Variants in ARHGAP17 observed in about 807,000 individuals in gnomAD.
The protein encoded by ARHGAP17 is Rho GTPase activating protein 17, also known as rho GTPase-activating protein 17.
In ARHGAP17, 57 loss-of-function variants were observed where a neutral mutation model predicts 99.5. The observed-to-expected ratio is 0.57, with a 90% confidence interval of 0.46 to 0.71. ARHGAP17 has a LOEUF of 0.71. ARHGAP17 is among the 30% of genes least tolerant of loss of function. ARHGAP17 has a pLI of 0.00. For missense variants in ARHGAP17, 1,000 were observed against 1,122.4 expected (o/e 0.89, Z 1.56); for synonymous variants, 417 against 429.6 (o/e 0.97, Z 0.36).
At chr16:24,932,406 A>T (rs1273408407) in intron 18 of ARHGAP17, among the ~76,000 whole-genome samples, 1 of 152,166 alleles carries the variant, frequency 6.6e-6, no homozygotes, top group Non-Finnish European at 1.5e-5. Flanking sequence ...AATGACACGG[A>T]AGTGCTGCCC....
intron 19 of ARHGAP17, 47 bp from the exon 20 acceptor site, chr16:24,920,307 C>T (rs747354720): frequency 1.1e-5 from 17 of 1,607,238 alleles, no homozygotes; most frequent in East Asian, 2.2e-5. Context: ...GGGTAACCCC[C>T]GAGAGGCCAC....
In ARHGAP17 at chr16:24,939,409, G is replaced by A. The variant is rs373850550; in HGVS notation, c.1679C>T (p.Ser560Phe). 1 of 1,611,212 alleles carries A rather than the reference G, an allele frequency of 6.2e-7. No individual in the cohort carries two copies. The highest frequency in any genetic ancestry group is 1.1e-5 in the South Asian group (1 of 90,678). ...CCCCTGCTCCAGTATGCCCGCGGAA[G>A]AGGGGACAGTCCCACCCCCAGAGCT... Reference protein sequence around the residue: ...ESSSGGGTVPSSAGILEQGPS... With the variant: ...ESSSGGGTVPFSAGILEQGPS... Residue 560 changes from serine to phenylalanine, a missense_variant, in exon 17 of 20, where the codon TCT becomes TTT. Around this residue, in one of 2 missense-constraint regions of ARHGAP17, gnomAD observed 528 missense variants for 511.4 expected, o/e 1.03. Coordinates refer to ENST00000289968, the MANE Select transcript of ARHGAP17 (RefSeq NM_001006634.3).
At chr16:25,014,766 G>A (rs906588312) in intron 1 of ARHGAP17, among the ~76,000 whole-genome samples, 2 of 152,208 alleles carry the variant, frequency 1.3e-5, no homozygotes, top group East Asian at 1.9e-4. Flanking sequence ...CGGGAGCACC[G>A]GGAAAGCCTG....
intron 7 of ARHGAP17, among the ~76,000 whole-genome samples, chr16:24,962,049 C>T (rs1405665818): frequency 6.7e-6 from 1 of 148,260 alleles, no homozygotes; most frequent in Non-Finnish European, 1.5e-5. Context: ...CCATTTATGA[C>T]AAAAACTTGG....
rs549720388 is a variant in ARHGAP17 at position 25,012,502 on chromosome 16, G to A, written c.53+2707C>T. ...CTTCCTTCTCCACCTAGATCGCAGG[G>A]GCGAAAACAAAAAAACCCTTTGCTT... On this transcript the variant is annotated intron_variant, in intron 1 of 19. Coordinates refer to ENST00000289968, the MANE Select transcript of ARHGAP17 (RefSeq NM_001006634.3). Among the ~76,000 whole-genome samples, 3 of 152,094 alleles carry A rather than the reference G, an allele frequency of 2.0e-5. No homozygotes were observed. In the South Asian group the frequency reaches 6.2e-4, roughly 32 times the overall value.
chr16:24,965,245 C>T (rs562394341), intron 6 of ARHGAP17, among the ~76,000 whole-genome samples: 40 of 152,172 alleles, frequency 2.6e-4, no homozygotes, highest in African/African-American at 9.2e-4. Flanking sequence ...CCGAGGTGGG[C>T]GGATCATGAG....
chr16:24,945,515 G>A (rs139075704), intron 14 of ARHGAP17, among the ~76,000 whole-genome samples: 1 of 152,136 alleles, frequency 6.6e-6, no homozygotes, highest in African/African-American at 2.4e-5. Flanking sequence ...ACAACAACCC[G>A]TTATGAGGCC....
At chr16:24,976,956 C>A (rs1335968849) in intron 3 of ARHGAP17, among the ~76,000 whole-genome samples, 1 of 152,258 alleles carries the variant, frequency 6.6e-6, no homozygotes, top group East Asian at 1.9e-4. Flanking sequence ...CCGACACAGC[C>A]ATTCTCTTAT....
At chr16:24,952,098 T>G (rs2051661535) in intron 12 of ARHGAP17, among the ~76,000 whole-genome samples, 191 bp downstream of exon 12, 1 of 152,138 alleles carries the variant, frequency 6.6e-6, no homozygotes, top group Non-Finnish European at 1.5e-5. Context: ...GCCTACGTGG[T>G]GACTTTCCTA....
At chr16:25,010,536 G>A (rs1460403696) in intron 1 of ARHGAP17, among the ~76,000 whole-genome samples, 1 of 152,220 alleles carries the variant, frequency 6.6e-6, no homozygotes, top group Non-Finnish European at 1.5e-5. Flanking sequence ...AGGATGAGCT[G>A]TTTTTCAACA....
chr16:24,960,528 T>C (rs958293531), intron 7 of ARHGAP17, among the ~76,000 whole-genome samples: 35 of 150,550 alleles, frequency 2.3e-4, no homozygotes, highest in East Asian at 1.2e-3. Context: ...GCCTGGCCGA[T>C]AGAGTGAGAC....
intron 2 of ARHGAP17, among the ~76,000 whole-genome samples, chr16:24,978,590 C>T (rs1051199095): frequency 2.0e-5 from 3 of 152,090 alleles, no homozygotes; most frequent in African/African-American, 7.2e-5. Context: ...TAGCACTTAC[C>T]ACGTGCCAGG....
At position 24,937,433 on chromosome 16, in the gene ARHGAP17, T is replaced by A. The variant is rs116258231; in HGVS notation, c.1725-1794A>T. On this transcript the variant is annotated intron_variant, in intron 17 of 19. Transcript: ENST00000289968. ...CGAGACTTCGTCTCAAAAAATAAAT[T>A]AATAAATAAAAATAAATAAAAATAA... Among the ~76,000 whole-genome samples, 959 of 151,486 alleles carry A rather than the reference T, an allele frequency of 6.3e-3. 11 individuals carry two copies. Among genetic ancestry groups the A allele is most frequent in the African/African-American group, 0.022 (899 of 41,390 alleles).
At chr16:24,939,289 C>T (rs2051240342) in intron 17 of ARHGAP17, 75 bp downstream of exon 17, 9 of 1,361,864 alleles carry the variant, frequency 6.6e-6, no homozygotes, top group South Asian at 4.3e-5. Flanking sequence ...GCATGGATGC[C>T]GTGCTCAAAG....
intron 18 of ARHGAP17, among the ~76,000 whole-genome samples, chr16:24,932,044 G>C (rs537937211): frequency 2.0e-5 from 3 of 150,974 alleles, no homozygotes; most frequent in East Asian, 3.9e-4. Context: ...ATGAGCCTGG[G>C]AAGTCCAAGG....
chr16:24,978,846 A>G (rs1273419014), intron 2 of ARHGAP17, 120 bp downstream of exon 2: 2 of 706,628 alleles, frequency 2.8e-6, no homozygotes, highest in Non-Finnish European at 4.4e-6. Context: ...CACACTAATT[A>G]ATTTTATTCT....
At chr16:24,952,140 T>C (rs1291641290) in intron 12 of ARHGAP17, 149 bp downstream of exon 12, 2 of 560,552 alleles carry the variant, frequency 3.6e-6, no homozygotes, top group Non-Finnish European at 6.0e-6. Context: ...ATATTTTTAT[T>C]CTAAACATAA....
At chr16:24,980,365 C>G (rs1415613742) in intron 1 of ARHGAP17, among the ~76,000 whole-genome samples, 1 of 152,216 alleles carries the variant, frequency 6.6e-6, no homozygotes, top group Admixed American at 6.5e-5. Context: ...GAGATGCCTA[C>G]AGGGTGGCTC....
chr16:24,920,368 A>C, intron 19 of ARHGAP17, 108 bp from the exon 20 acceptor site: 1 of 1,405,312 alleles, frequency 7.1e-7, no homozygotes, highest in Non-Finnish European at 9.8e-7. Context: ...GGGTCAGCCC[A>C]TGCACACAGG....
Sources: gnomAD v4.1 joint callset for allele counts (sites outside exome capture counted in the v4.1 genomes callset) on GRCh38, gnomAD v4.1.1 for gene constraint, gnomAD v4.1.1 regional missense constraint, MANE v1.5 for transcripts, NCBI Gene and HGNC (gene_info 2026-07-23, HGNC 2026-07-21) for gene names.